Variants in NCOR2 observed in about 807,000 individuals in gnomAD.
The protein encoded by NCOR2 is CTG repeat protein 26.
Under a neutral mutation model 262.9 loss-of-function variants are expected in NCOR2, and 81 were observed. The ratio of observed to expected loss-of-function variants is 0.31; its 90% CI spans 0.26 to 0.37. The LOEUF (loss-of-function observed/expected upper bound fraction) is 0.37, where lower values mean the gene tolerates loss of function less well. Ranked by LOEUF, NCOR2 falls within the 10% of genes least tolerant of loss-of-function variation. The probability of loss-of-function intolerance (pLI) is 1.00; values close to 1 mark genes in which losing one functional copy is unlikely to be tolerated. For synonymous variants in NCOR2, 1,659 were observed against 1,559.3 expected, an observed-to-expected ratio of 1.06 and a Z score of -1.51; for missense variants, 3,385 against 3,621.4, an observed-to-expected ratio of 0.93 and a Z score of 1.68.
chr12:124,375,763 A>G (rs899034701), intron 18 of NCOR2, among the ~76,000 whole-genome samples: 6 of 152,174 alleles, frequency 3.9e-5, no homozygotes, highest in African/African-American at 4.8e-5. Context: ...GCATGGCTTC[A>G]TTCACTATGA....
chr12:124,540,305 A>T (rs1355470874), upstream of NCOR2, among the ~76,000 whole-genome samples: 1 of 149,062 alleles, frequency 6.7e-6, no homozygotes, highest in African/African-American at 2.5e-5. Context: ...GGTGTCCATG[A>T]GGAAGGAAAA....
At chr12:124,393,318 A>G (rs1300105432) in intron 16 of NCOR2, among the ~76,000 whole-genome samples, 2 of 152,130 alleles carry the variant, frequency 1.3e-5, no homozygotes, top group Non-Finnish European at 2.9e-5. Context: ...CTGCCTCCTG[A>G]ACATTCTCGG....
intron 1 of NCOR2, among the ~76,000 whole-genome samples, chr12:124,526,654 C>T (rs1032180591): frequency 3.3e-5 from 5 of 152,172 alleles, no homozygotes; most frequent in Non-Finnish European, 5.9e-5. Flanking sequence ...TCCTCTCCCC[C>T]GCGGACAGAC....
rs1290633477 is a variant in NCOR2 at position 124,372,628 on chromosome 12, G to A, written c.2219-18C>T. 6.3e-7 allele frequency: 1 copy of A among 1,590,194 alleles called. No homozygotes were observed. Among genetic ancestry groups the A allele is most frequent in the African/African-American group, 1.3e-5 (1 of 74,564 alleles). ...GACAGTGGCTGTGCAGGGCGAGAAG[G>A]AAGAGGGGATGAGCAGGGTCTGGCG... On this transcript the variant is annotated intron_variant, in intron 19 of 46. Coordinates refer to ENST00000405201, the Ensembl canonical transcript of NCOR2.
intron 16 of NCOR2, among the ~76,000 whole-genome samples, chr12:124,390,919 C>A (rs563692048): frequency 1.3e-5 from 2 of 152,250 alleles, no homozygotes; most frequent in African/African-American, 4.8e-5. Flanking sequence ...TCACAGACGC[C>A]GAGTGGAGAG....
intron 37 of NCOR2, among the ~76,000 whole-genome samples, chr12:124,337,755 C>T (rs2036014640): frequency 6.6e-6 from 1 of 151,984 alleles, no homozygotes; most frequent in Non-Finnish European, 1.5e-5. Context: ...CTGCTGTTCC[C>T]AGCTCTGTGA....
At chr12:124,333,685 T>G (rs1330537362) in intron 41 of NCOR2, among the ~76,000 whole-genome samples, 2 of 144,518 alleles carry the variant, frequency 1.4e-5, no homozygotes, top group Non-Finnish European at 3.1e-5. Flanking sequence ...CCAAAACGCC[T>G]CCTTCACCCT....
At chr12:124,467,199 T>C (rs1307318637) in intron 4 of NCOR2, among the ~76,000 whole-genome samples, 1 of 115,450 alleles carries the variant, frequency 8.7e-6, no homozygotes, top group Non-Finnish European at 1.7e-5. Flanking sequence ...ACCCTGCTCG[T>C]CCTCATCCTC....
chr12:124,424,501 G>C (rs1310802971), intron 11 of NCOR2, among the ~76,000 whole-genome samples: 1 of 152,152 alleles, frequency 6.6e-6, no homozygotes, highest in Non-Finnish European at 1.5e-5. Flanking sequence ...GGGCACTCCA[G>C]GGCTCATTAC....
At chr12:124,340,542 T>C in intron 35 of NCOR2, 60 bp downstream of exon 37, 2 of 1,532,984 alleles carry the variant, frequency 1.3e-6, no homozygotes, top group Non-Finnish European at 1.7e-6. Context: ...TGCCCGCCCA[T>C]CCCCCAGCCG....
exon 19 of NCOR2, chr12:124,374,432 T>C (rs769918514): frequency 1.2e-6 from 2 of 1,612,914 alleles, no homozygotes; most frequent in East Asian, 4.5e-5. Context: ...TGCATTCCCC[T>C]CTGGGCACCT....
At chr12:124,411,313 A>C (rs982029036) in intron 13 of NCOR2, among the ~76,000 whole-genome samples, 33 of 152,212 alleles carry the variant, frequency 2.2e-4, no homozygotes, top group African/African-American at 7.9e-4. Context: ...AAAATGCAGG[A>C]GATTCAGAGC....
chr12:124,335,304 A>AG (rs1593100115), intron 39 of NCOR2, 24 bp from the exon 42 acceptor site: 1 of 1,559,538 alleles, frequency 6.4e-7, no homozygotes, highest in Middle Eastern at 2.3e-4. Flanking sequence ...AGAGCTGGTC[A>AG]GGGGGTGTCT....
chr12:124,365,259 G>A (rs976194568), intron 20 of NCOR2, among the ~76,000 whole-genome samples: 4 of 152,204 alleles, frequency 2.6e-5, no homozygotes, highest in South Asian at 2.1e-4. Flanking sequence ...AGGTCCTGTC[G>A]GCACAGCCCC....
At chr12:124,461,179 C>T (rs2136593322) in intron 5 of NCOR2, among the ~76,000 whole-genome samples, 1 of 152,358 alleles carries the variant, frequency 6.6e-6, no homozygotes, top group Middle Eastern at 3.4e-3. Context: ...ACTGCCCCCA[C>T]GCACGTCCTC....
At chr12:124,430,470 G>A in intron 9 of NCOR2, 145 bp downstream of exon 11, 1 of 943,414 alleles carries the variant, frequency 1.1e-6, no homozygotes, top group Non-Finnish European at 1.5e-6. Context: ...ACGTGACACA[G>A]GCCAGGGTCT....
Position 124,503,557 on chromosome 12 carries a change from A to C in NCOR2, c.-117-8189T>G, listed in dbSNP as rs1368969809. Among the ~76,000 whole-genome samples the C allele has an allele frequency of 6.7e-6, 1 of 150,178 alleles. No individual in the cohort carries two copies. Among genetic ancestry groups the C allele is most frequent in the African/African-American group, 2.5e-5 (1 of 40,336 alleles). ...AATGGATGGATGGATGGACGAATGGATGGATGGATAGATGGAAGACGGACG... is the reference window on the plus strand; with the variant it reads ...AATGGATGGATGGATGGACGAATGGCTGGATGGATAGATGGAAGACGGACG... On this transcript the variant is annotated intron_variant, in intron 1 of 46. Coordinates refer to the NCOR2 transcript ENST00000404621. The surrounding 1 kb of genome is among the most constrained non-coding windows in gnomAD (Gnocchi z 4.3).
At chr12:124,470,842 G>C (rs2046794793) in intron 4 of NCOR2, among the ~76,000 whole-genome samples, 1 of 152,244 alleles carries the variant, frequency 6.6e-6, no homozygotes, top group African/African-American at 2.4e-5. Flanking sequence ...GTGGAATTTA[G>C]AGGGGAAAAA....
chr12:124,368,435 G>A (rs2136002494), intron 20 of NCOR2, among the ~76,000 whole-genome samples: 1 of 152,262 alleles, frequency 6.6e-6, no homozygotes, highest in South Asian at 2.1e-4. Context: ...GGAGGGAGAG[G>A]GAGGGCTGGT....
Sources: gnomAD v4.1 joint callset for allele counts (sites outside exome capture counted in the v4.1 genomes callset) on GRCh38, gnomAD v4.1.1 for gene constraint, Gnocchi (gnomAD v3.1) non-coding constraint, MANE v1.5 for transcripts, NCBI Gene and HGNC (gene_info 2026-07-23, HGNC 2026-07-21) for gene names.